NELL2: variants seen among roughly 807,000 people sequenced by gnomAD.
NELL2 encodes the protein protein kinase C-binding protein NELL2.
A neutral mutation model predicts 109.6 loss-of-function variants in NELL2; 41 were observed. The observed-to-expected ratio is 0.37, with a 90% CI of 0.29 to 0.49. The LOEUF (loss-of-function observed/expected upper bound fraction) is 0.49, where lower values mean the gene tolerates loss of function less well. NELL2 is among the 20% of genes least tolerant of loss of function. The pLI is 0.98. For missense variants in NELL2, 900 were observed against 1,008.3 expected, an observed-to-expected ratio of 0.89 and a Z score of 1.45; for synonymous variants, 355 against 344.7, an observed-to-expected ratio of 1.03 and a Z score of -0.33.
chr12:44,625,045 T>A (rs1946202441), intron 13 of NELL2, among the ~76,000 whole-genome samples: 2 of 141,748 alleles, frequency 1.4e-5, no homozygotes, highest in African/African-American at 5.0e-5. Flanking sequence ...TCTGAACAAG[T>A]GAATGTTGGG....
intron 3 of NELL2, among the ~76,000 whole-genome samples, chr12:44,796,834 A>G (rs1942639170): frequency 6.6e-6 from 1 of 152,116 alleles, no homozygotes; most frequent in South Asian, 2.1e-4. Flanking sequence ...TTGAATAACA[A>G]CCTATCTTAT....
intron 12 of NELL2, among the ~76,000 whole-genome samples, 176 bp downstream of exon 12, chr12:44,703,550 T>C (rs569564946): frequency 3.9e-5 from 6 of 152,346 alleles, no homozygotes; most frequent in Non-Finnish European, 8.8e-5. Flanking sequence ...ATATAGCAGA[T>C]AGCTGAAAAA....
At chr12:44,601,821 T>C (rs1187745275) in intron 15 of NELL2, among the ~76,000 whole-genome samples, 1 of 151,986 alleles carries the variant, frequency 6.6e-6, no homozygotes, top group Non-Finnish European at 1.5e-5. Flanking sequence ...AATTAAGGCA[T>C]AGTGAAAAAA....
intron 2 of NELL2, among the ~76,000 whole-genome samples, chr12:44,862,015 C>A (rs544001195): frequency 6.6e-6 from 1 of 152,202 alleles, no homozygotes; most frequent in Non-Finnish European, 1.5e-5. Flanking sequence ...CTCCCAATAG[C>A]TGACCCCAAA....
chr12:44,609,874 G>T (rs1344368467), intron 14 of NELL2, among the ~76,000 whole-genome samples: 1 of 151,992 alleles, frequency 6.6e-6, no homozygotes, highest in South Asian at 2.1e-4. Flanking sequence ...TGAGATAAAG[G>T]ACACGGTATA....
At position 44,791,556 on chromosome 12, in the gene NELL2, T is replaced by A. The variant is rs867907383; in HGVS notation, c.336-11534A>T. On this transcript the variant is annotated intron_variant, in intron 3 of 19. Transcript: ENST00000429094. ...CTTGGACCACAGTAGTAGTGGTAGA[T>A]TGGTGGGAAGTGGTTTAATTTGGCA... Among the ~76,000 whole-genome samples, 9 of 151,484 alleles carry A rather than the reference T, an allele frequency of 5.9e-5. No individual in the cohort carries two copies. The South Asian group carries it at 1.9e-3, about 32-fold the overall frequency.
chr12:44,687,010 G>T (rs1051129679), intron 12 of NELL2, among the ~76,000 whole-genome samples: 3 of 151,620 alleles, frequency 2.0e-5, no homozygotes, highest in Non-Finnish European at 4.4e-5. Flanking sequence ...GCCCCTCCCC[G>T]AGCCCTTGCA....
chr12:44,629,743 ACAT>A (rs1386889719), intron 13 of NELL2, among the ~76,000 whole-genome samples: 2 of 152,368 alleles, frequency 1.3e-5, no homozygotes, highest in East Asian at 1.9e-4. Flanking sequence ...TTTTCCCCAG[ACAT>A]CATCACCAAC....
intron 15 of NELL2, among the ~76,000 whole-genome samples, chr12:44,565,268 T>C (rs1276606667): frequency 6.6e-6 from 1 of 152,176 alleles, no homozygotes; most frequent in Non-Finnish European, 1.5e-5. Context: ...ACAACGATCA[T>C]ATTTTATCTA....
intron 13 of NELL2, among the ~76,000 whole-genome samples, chr12:44,635,498 A>C (rs1244557070): frequency 6.6e-6 from 1 of 152,208 alleles, no homozygotes; most frequent in Non-Finnish European, 1.5e-5. Context: ...AGTTTTCTGC[A>C]CATGGCTAGC....
chr12:44,700,297 G>C (rs886357996), intron 12 of NELL2, among the ~76,000 whole-genome samples: 2 of 152,128 alleles, frequency 1.3e-5, no homozygotes, highest in African/African-American at 4.8e-5. Context: ...CCTGCATCCA[G>C]CCTTTCTCCT....
intron 19 of NELL2, among the ~76,000 whole-genome samples, chr12:44,515,039 G>T (rs1440803183): frequency 6.6e-6 from 1 of 151,494 alleles, no homozygotes; most frequent in Non-Finnish European, 1.5e-5. Flanking sequence ...AAATAAAAAT[G>T]TTATTAAAGA....
At chr12:44,696,670 T>C (rs1308555748) in intron 12 of NELL2, among the ~76,000 whole-genome samples, 2 of 152,214 alleles carry the variant, frequency 1.3e-5, no homozygotes, top group Admixed American at 1.3e-4. Context: ...GATTTTCTTA[T>C]ATATAATATA....
At chr12:44,690,068 A>C (rs1293158005) in intron 12 of NELL2, among the ~76,000 whole-genome samples, 1 of 152,178 alleles carries the variant, frequency 6.6e-6, no homozygotes, top group Admixed American at 6.5e-5. Flanking sequence ...TCCCACTTTA[A>C]TGTGCATAAG....
At chr12:44,832,959 T>G (rs1464777398) in intron 2 of NELL2, among the ~76,000 whole-genome samples, 1 of 152,194 alleles carries the variant, frequency 6.6e-6, no homozygotes, top group Non-Finnish European at 1.5e-5. Flanking sequence ...TTGAGTATTT[T>G]CTTAGCAATG....
At chr12:44,847,014 C>A (rs1334306887) in intron 2 of NELL2, among the ~76,000 whole-genome samples, 1 of 152,218 alleles carries the variant, frequency 6.6e-6, no homozygotes, top group African/African-American at 2.4e-5. Context: ...CAGAGAGCAG[C>A]TGATTAATGC....
At chr12:44,542,441 C>T (rs1366268730) in intron 15 of NELL2, among the ~76,000 whole-genome samples, 2 of 152,034 alleles carry the variant, frequency 1.3e-5, no homozygotes, top group Admixed American at 6.6e-5. Context: ...TATCCAAATG[C>T]CACTAGTACA....
rs1469731295 is a variant in NELL2 at position 44,808,817 on chromosome 12, CATAA to C, written c.335+7165_335+7168del. 4.6e-5 allele frequency among the ~76,000 whole-genome samples: 7 copies of C among 152,044 alleles called. No homozygotes were observed. In the East Asian group the frequency reaches 1.2e-3, roughly 25 times the overall value. On this transcript the variant is annotated intron_variant, in intron 3 of 19. Coordinates refer to ENST00000429094, the MANE Select transcript of NELL2 (RefSeq NM_001145108.2). Reference sequence around the variant, plus strand: ...GAAGACACATTTTTTCAGCCTCATACATAAATACATTTTTACTCACCCAGAATGT... The same window carrying C: ...GAAGACACATTTTTTCAGCCTCATACATACATTTTTACTCACCCAGAATGT...
chr12:44,533,127 A>T (rs575145252), intron 15 of NELL2, among the ~76,000 whole-genome samples: 78 of 152,282 alleles, frequency 5.1e-4, no homozygotes, highest in African/African-American at 1.6e-3. Context: ...ACCTCTATGC[A>T]GATCCTTTAA....
Sources: allele counts gnomAD v4.1 joint callset (sites outside exome capture counted in the v4.1 genomes callset), GRCh38; gene constraint gnomAD v4.1.1; transcripts MANE v1.5; gene names NCBI Gene and HGNC (gene_info 2026-07-23, HGNC 2026-07-21).